Variants in RALYL observed in about 807,000 individuals in gnomAD.
RALYL encodes RALY RNA binding protein like.
In RALYL, 29 loss-of-function variants were observed where a neutral mutation model predicts 35.1. The ratio of observed to expected loss-of-function variants is 0.83; its 90% confidence interval spans 0.61 to 1.13. The LOEUF (loss-of-function observed/expected upper bound fraction) is 1.13, where lower values mean the gene tolerates loss of function less well. RALYL is among the 50% of genes most tolerant of loss of function. The probability of loss-of-function intolerance (pLI) is 0.00; values close to 1 mark genes in which losing one functional copy is unlikely to be tolerated. For missense variants in RALYL, 359 were observed against 360.4 expected, an observed-to-expected ratio of 1.00 and a Z score of 0.03; for synonymous variants, 120 against 127.6, an observed-to-expected ratio of 0.94 and a Z score of 0.40.
intron 2 of RALYL, among the ~76,000 whole-genome samples, chr8:84,762,976 ATATT>A (rs1253720089): frequency 1.3e-5 from 2 of 152,154 alleles, no homozygotes; most frequent in Non-Finnish European, 2.9e-5. Flanking sequence ...AAACAATAAA[ATATT>A]TAAAGATATA....
chr8:84,607,714 A>C (rs1222893735), intron 2 of RALYL, among the ~76,000 whole-genome samples: 2 of 152,046 alleles, frequency 1.3e-5, no homozygotes, highest in Non-Finnish European at 2.9e-5. Flanking sequence ...ATTTTCCTCT[A>C]TCTGTATGTC....
At position 84,351,094 on chromosome 8, in the gene RALYL, T is replaced by C. The variant is rs1183075262; in HGVS notation, c.-24+166670T>C. Among the ~76,000 whole-genome samples the C allele has an allele frequency of 2.0e-5, 3 of 150,220 alleles. No homozygotes were observed. In the East Asian group the frequency reaches 5.8e-4, roughly 29 times the overall value. ...CCTGTTTGTTCTCGGTTAACTCTTCTTTAGAACTTTAAATATCAATATCGA... is the reference window on the plus strand; with the variant it reads ...CCTGTTTGTTCTCGGTTAACTCTTCCTTAGAACTTTAAATATCAATATCGA... On this transcript the variant is annotated intron_variant, in intron 1 of 8. Transcript: ENST00000521268.
intron 1 of RALYL, among the ~76,000 whole-genome samples, chr8:84,457,249 G>C (rs564294006): frequency 6.6e-6 from 1 of 151,894 alleles, no homozygotes; most frequent in Non-Finnish European, 1.5e-5. Context: ...ATAACTCATA[G>C]AATAGACAAG....
intron 1 of RALYL, among the ~76,000 whole-genome samples, chr8:84,356,707 AT>A (rs1851907226): frequency 6.7e-6 from 1 of 150,366 alleles, no homozygotes; most frequent in Admixed American, 6.6e-5. Context: ...TCTCAACTCT[AT>A]TAGACACCAA....
intron 1 of RALYL, among the ~76,000 whole-genome samples, chr8:84,497,563 T>C (rs752693012): frequency 8.5e-5 from 13 of 152,138 alleles, no homozygotes; most frequent in Non-Finnish European, 1.5e-4. Context: ...ATTAACAATA[T>C]GTTTTTTTCA....
chr8:84,909,758 G>A (rs1847187630), intron 8 of RALYL, among the ~76,000 whole-genome samples: 1 of 151,942 alleles, frequency 6.6e-6, no homozygotes, highest in Non-Finnish European at 1.5e-5. Flanking sequence ...ATATTAAATG[G>A]AAAAAAATAT....
At chr8:84,420,397 G>T (rs934557085) in intron 1 of RALYL, among the ~76,000 whole-genome samples, 11 of 151,918 alleles carry the variant, frequency 7.2e-5, no homozygotes, top group Non-Finnish European at 5.9e-5. Context: ...GGCGTTGTTT[G>T]TTTTTTTCTT....
chr8:84,407,711 T>G (rs964625036), intron 1 of RALYL, among the ~76,000 whole-genome samples: 49 of 152,096 alleles, frequency 3.2e-4, no homozygotes, highest in African/African-American at 1.2e-3. Context: ...AAATTATAAA[T>G]GAAAAGCTTT....
Position 84,541,440 on chromosome 8 carries a change from T to C in RALYL, c.256+11863T>C, listed in dbSNP as rs183777711. 4.6e-5 allele frequency among the ~76,000 whole-genome samples: 7 copies of C among 152,092 alleles called. No homozygotes were observed. The East Asian group carries it at 1.4e-3, about 29-fold the overall frequency. On this transcript the variant is annotated intron_variant, in intron 2 of 8. Coordinates refer to ENST00000521268, the MANE Select transcript of RALYL (RefSeq NM_173848.7). ...ATTTCACTGTAACCAGAAAATAATA[T>C]ATAATAAAATTAATTAAAATTCAAT...
intron 1 of RALYL, among the ~76,000 whole-genome samples, chr8:84,480,411 T>A (rs1169234248): frequency 2.0e-5 from 3 of 152,204 alleles, no homozygotes; most frequent in Non-Finnish European, 4.4e-5. Flanking sequence ...TACTTTAAGA[T>A]CTGTTTGTAG....
In RALYL at chr8:84,218,133, C is replaced by T. The variant is rs780075791; in HGVS notation, c.-24+33709C>T. The stretch of plus-strand genomic sequence containing the variant: ...ATTTGTGGAAACTATGGATGAGTGG[C>T]AGCCATTGTTGGCAAGTAGAGAGAC... On this transcript the variant is annotated intron_variant, in intron 1 of 8. Coordinates refer to ENST00000521268, the MANE Select transcript of RALYL (RefSeq NM_173848.7). 5.9e-5 allele frequency among the ~76,000 whole-genome samples: 9 copies of T among 151,986 alleles called. 1 individual carries two copies. Among genetic ancestry groups the T allele is most frequent in the Non-Finnish European group, 1.2e-4 (8 of 67,988 alleles).
chr8:84,723,131 G>A (rs1844301533), intron 2 of RALYL, among the ~76,000 whole-genome samples: 1 of 151,858 alleles, frequency 6.6e-6, no homozygotes, highest in Admixed American at 6.6e-5. Flanking sequence ...CATCAGAATG[G>A]GTGTAACTAA....
At chr8:84,279,494 T>A (rs998424548) in intron 1 of RALYL, among the ~76,000 whole-genome samples, 4 of 152,204 alleles carry the variant, frequency 2.6e-5, no homozygotes, top group Non-Finnish European at 5.9e-5. Flanking sequence ...ATGAAGTGTA[T>A]TAATCTTCTA....
intron 1 of RALYL, among the ~76,000 whole-genome samples, chr8:84,351,503 T>C (rs1477407570): frequency 6.7e-6 from 1 of 149,818 alleles, no homozygotes; most frequent in Non-Finnish European, 1.5e-5. Flanking sequence ...TTTTTCTGTA[T>C]TACTGGCTAG....
At chr8:84,600,163 T>C (rs762243531) in intron 2 of RALYL, among the ~76,000 whole-genome samples, 3 of 152,126 alleles carry the variant, frequency 2.0e-5, no homozygotes, top group Non-Finnish European at 4.4e-5. Context: ...TGCTTTAATA[T>C]TGGTTTTACT....
At chr8:84,592,561 C>T (rs545382693) in intron 2 of RALYL, among the ~76,000 whole-genome samples, 2 of 152,020 alleles carry the variant, frequency 1.3e-5, no homozygotes, top group Non-Finnish European at 2.9e-5. Context: ...TCATTAACAC[C>T]AAACACTATT....
chr8:84,801,378 TAACAC>T (rs1185609064), intron 3 of RALYL, among the ~76,000 whole-genome samples: 5 of 152,196 alleles, frequency 3.3e-5, no homozygotes, highest in African/African-American at 1.2e-4. Flanking sequence ...TCAGAAGACT[TAACAC>T]AAAACTGTTG....
chr8:84,393,029 G>A (rs931818278), intron 1 of RALYL, among the ~76,000 whole-genome samples: 5 of 152,078 alleles, frequency 3.3e-5, no homozygotes, highest in African/African-American at 1.2e-4. Context: ...CCTAAAGGAA[G>A]TGTAATTCAT....
chr8:84,735,874 G>A (rs935854513), intron 2 of RALYL, among the ~76,000 whole-genome samples: 1 of 150,276 alleles, frequency 6.7e-6, no homozygotes, highest in African/African-American at 2.5e-5. Context: ...GTCCAGAGAT[G>A]TCATTCAGGA....
Sources: allele counts gnomAD v4.1 joint callset (sites outside exome capture counted in the v4.1 genomes callset), GRCh38; gene constraint gnomAD v4.1.1; transcripts MANE v1.5; gene names NCBI Gene and HGNC (gene_info 2026-07-23, HGNC 2026-07-21).